ZFYVE28: variants seen among roughly 807,000 people sequenced by gnomAD.
The protein encoded by ZFYVE28 is lateral signaling target protein 2 homolog.
A neutral mutation model predicts 82.1 loss-of-function variants in ZFYVE28; 40 were observed. The ratio of observed to expected loss-of-function variants is 0.49; its 90% CI spans 0.38 to 0.63. ZFYVE28 has a LOEUF of 0.63. Ranked by LOEUF, ZFYVE28 falls within the 30% of genes least tolerant of loss-of-function variation. ZFYVE28 has a pLI of 0.00. For missense variants in ZFYVE28, 1,321 were observed against 1,242.1 expected, an observed-to-expected ratio of 1.06 and a Z score of -0.96; for synonymous variants, 612 against 546.1, an observed-to-expected ratio of 1.12 and a Z score of -1.68.
intron 1 of ZFYVE28, among the ~76,000 whole-genome samples, chr4:2,377,011 G>C (rs1441950411): frequency 6.6e-6 from 1 of 151,878 alleles, no homozygotes; most frequent in Non-Finnish European, 1.5e-5. Flanking sequence ...GACAGCACTG[G>C]TCTAAGACTT....
chr4:2,392,638 C>G (rs1362916868), intron 1 of ZFYVE28, among the ~76,000 whole-genome samples: 1 of 152,170 alleles, frequency 6.6e-6, no homozygotes, highest in African/African-American at 2.4e-5. Flanking sequence ...ACTCTTAAAT[C>G]ATATTAAATT....
Position 2,364,926 on chromosome 4 carries a change from CG to C in ZFYVE28, c.40-10854del, listed in dbSNP as rs1206313011. Reference sequence around the variant, plus strand: ...CGCGGAGGGACAGTGGAGGCGGGGGCGGGGCCCAGCAGGGGCGGCGCAGCCT... The same window carrying C: ...CGCGGAGGGACAGTGGAGGCGGGGGCGGGCCCAGCAGGGGCGGCGCAGCCT... On this transcript the variant is annotated intron_variant, in intron 1 of 12. Transcript: ENST00000290974. The C allele has an allele frequency of 5.1e-6, 5 of 984,490 alleles. No individual in the cohort carries two copies. In the East Asian group the frequency reaches 4.6e-4, roughly 90 times the overall value. The allele number at this position is 984,490 out of a possible 1,614,324, so 61.0% of individuals were successfully genotyped here.
intron 11 of ZFYVE28, 98 bp from the exon 12 acceptor site, chr4:2,271,512 A>C: frequency 6.8e-7 from 1 of 1,463,978 alleles, no homozygotes; most frequent in Non-Finnish European, 9.5e-7. Flanking sequence ...CCAGACTGCC[A>C]AGCCGCCTGG....
chr4:2,333,532 C>A (rs77477303), intron 6 of ZFYVE28, among the ~76,000 whole-genome samples: 2 of 152,012 alleles, frequency 1.3e-5, no homozygotes, highest in African/African-American at 4.8e-5. Flanking sequence ...GCCTGGGGTG[C>A]GGCCTGCGGG....
chr4:2,336,798 ATGAGGAGG>A (rs1721807818), intron 5 of ZFYVE28, among the ~76,000 whole-genome samples: 1 of 99,250 alleles, frequency 1.0e-5, no homozygotes, highest in African/African-American at 4.3e-5. Flanking sequence ...GAGTGAGGAG[ATGAGGAGG>A]TGAGGAGGTG....
At chr4:2,275,853 G>GGAGGC (rs1173549699) in intron 8 of ZFYVE28, among the ~76,000 whole-genome samples, 18 of 152,240 alleles carry the variant, frequency 1.2e-4, no homozygotes, top group Non-Finnish European at 1.5e-5. Context: ...CTTAGACGCG[G>GGAGGC]TGCTGGGGAT....
Position 2,339,355 on chromosome 4 carries a change from G to A in ZFYVE28, c.521+98C>T, listed in dbSNP as rs997431000. 10 of 1,398,820 alleles carry A rather than the reference G, an allele frequency of 7.1e-6. No homozygotes were observed. The Admixed American group carries it at 8.6e-5, about 12-fold the overall frequency. 86.7% of individuals were successfully genotyped at this position (1,398,820 alleles called of 1,614,324 possible). A position where few individuals can be genotyped will look rare whatever the true frequency, so the allele number is the denominator to read the frequency against. On this transcript the variant is annotated intron_variant, in intron 4 of 12. Transcript: ENST00000290974. This position sits in a 1 kb window ranked among gnomAD's most constrained non-coding sequence, Gnocchi z 5.0. ...GAACCTGCCTGGCTCCTCCCTCTGTGGAATTTTCCAGCTTGAAGTATCAGG... is the reference window on the plus strand; with the variant it reads ...GAACCTGCCTGGCTCCTCCCTCTGTAGAATTTTCCAGCTTGAAGTATCAGG...
chr4:2,371,689 T>C (rs111502635), intron 1 of ZFYVE28, among the ~76,000 whole-genome samples: 1 of 151,300 alleles, frequency 6.6e-6, no homozygotes, highest in Non-Finnish European at 1.5e-5. Context: ...AACAAAAGAG[T>C]ACAAAGACTC....
At chr4:2,375,156 G>A (rs1037677071) in intron 1 of ZFYVE28, among the ~76,000 whole-genome samples, 4 of 152,230 alleles carry the variant, frequency 2.6e-5, no homozygotes, top group Non-Finnish European at 5.9e-5. Context: ...CCCTGCTGCT[G>A]TGGCAAAATG....
intron 1 of ZFYVE28, among the ~76,000 whole-genome samples, chr4:2,355,731 C>G (rs943132813): frequency 3.3e-5 from 5 of 152,156 alleles, no homozygotes; most frequent in African/African-American, 4.8e-5. Context: ...GCACACATCA[C>G]TATATTCAGC....
Position 2,302,789 on chromosome 4 carries a change from C to T in ZFYVE28, c.2051+1500G>A, listed in dbSNP as rs541070372. On this transcript the variant is annotated intron_variant, in intron 8 of 12. Coordinates refer to ENST00000290974, the MANE Select transcript of ZFYVE28 (RefSeq NM_020972.3). ...AGCGTGATTCAGTCATAAAAAGGAACGGCGTGTTGCCGTGTGCCTCTACAT... is the reference window on the plus strand; with the variant it reads ...AGCGTGATTCAGTCATAAAAAGGAATGGCGTGTTGCCGTGTGCCTCTACAT... Among the ~76,000 whole-genome samples, 77 of 152,348 alleles carry T rather than the reference C, an allele frequency of 5.1e-4. 1 individual carries two copies. In the South Asian group the frequency reaches 5.8e-3, roughly 11 times the overall value.
chr4:2,278,743 A>G (rs975746073), intron 8 of ZFYVE28, among the ~76,000 whole-genome samples: 5 of 143,158 alleles, frequency 3.5e-5, no homozygotes, highest in African/African-American at 1.5e-4. Flanking sequence ...CAATCCAACA[A>G]CAAAAAGACC....
At chr4:2,352,334 G>A (rs1249292811) in intron 2 of ZFYVE28, among the ~76,000 whole-genome samples, 1 of 152,042 alleles carries the variant, frequency 6.6e-6, no homozygotes, top group Non-Finnish European at 1.5e-5. Context: ...ATGTCGGGGG[G>A]TGGACAGGAA....
At position 2,332,226 on chromosome 4, in the gene ZFYVE28, T is replaced by TG. The variant is rs553523633; in HGVS notation, c.701+3478dup. Among the ~76,000 whole-genome samples, 10 of 152,210 alleles carry TG rather than the reference T, an allele frequency of 6.6e-5. No individual in the cohort carries two copies. Among genetic ancestry groups the TG allele is most frequent in the African/African-American group, 2.4e-4 (10 of 41,536 alleles). On this transcript the variant is annotated intron_variant, in intron 6 of 12. Coordinates refer to ENST00000290974, the MANE Select transcript of ZFYVE28 (RefSeq NM_020972.3). This position sits in a 1 kb window ranked among gnomAD's most constrained non-coding sequence, Gnocchi z 4.7. ...CTCTCAGTGTTCCCTGGGGGTCACC[T>TG]GGGGGGTCCCAGGATGCCCACTTCA... is the stretch of plus-strand genomic sequence containing the variant.
chr4:2,337,464 G>C lies in ZFYVE28; in HGVS notation c.554C>G (p.Pro185Arg), dbSNP rs1271512633. Residue 185 changes from proline (P) to arginine (R), a missense_variant, in exon 5 of 13, where the codon CCC becomes CGC. Pro to Arg is a moderately radical substitution (Grantham distance 103). Coordinates refer to ENST00000290974, the MANE Select transcript of ZFYVE28 (RefSeq NM_020972.3). ...YVSAMVPVKSPREYYVQQEVI... is the reference protein window; with the variant it reads ...YVSAMVPVKSRREYYVQQEVI... ...CTCCTGCTGCACGTAGTACTCCCTG[G>C]GGGACTTCACAGGCACCATGGCCGA... The C allele has an allele frequency of 6.2e-7, 1 of 1,610,152 alleles. No individual in the cohort carries two copies. Among genetic ancestry groups the C allele is most frequent in the Non-Finnish European group, 8.5e-7 (1 of 1,178,056 alleles).
At position 2,300,715 on chromosome 4, in the gene ZFYVE28, T is replaced by C. The variant is rs1232671214; in HGVS notation, c.2051+3574A>G. On this transcript the variant is annotated intron_variant, in intron 8 of 12. Coordinates refer to ENST00000290974, the MANE Select transcript of ZFYVE28 (RefSeq NM_020972.3). This position sits in a 1 kb window ranked among gnomAD's most constrained non-coding sequence, Gnocchi z 4.6. ...GGGGTCTCGGGGGAATCTCACAGGC[T>C]GGTCGGCCGCAGCTCCACACATTTC... Among the ~76,000 whole-genome samples the C allele has an allele frequency of 6.6e-6, 1 of 152,028 alleles. No individual in the cohort carries two copies. The highest frequency in any genetic ancestry group is 1.5e-5 in the Non-Finnish European group (1 of 68,006).
chr4:2,374,841 C>G (rs1302931721), intron 1 of ZFYVE28, among the ~76,000 whole-genome samples: 1 of 152,160 alleles, frequency 6.6e-6, no homozygotes, highest in Non-Finnish European at 1.5e-5. Context: ...GTTCTTAGGA[C>G]ATATCTTTGT....
At chr4:2,333,893 C>G (rs563300092) in intron 6 of ZFYVE28, among the ~76,000 whole-genome samples, 1 of 152,202 alleles carries the variant, frequency 6.6e-6, no homozygotes, top group South Asian at 2.1e-4. Context: ...CAGAGAGACA[C>G]TTGTCTAGAA....
chr4:2,325,509 C>A (rs1347264030), intron 6 of ZFYVE28, among the ~76,000 whole-genome samples: 1 of 151,956 alleles, frequency 6.6e-6, no homozygotes, highest in Non-Finnish European at 1.5e-5. Context: ...AAAATACATT[C>A]ATGGCTTCAA....
Sources: allele counts gnomAD v4.1 joint callset (sites outside exome capture counted in the v4.1 genomes callset), GRCh38; gene constraint gnomAD v4.1.1; non-coding constraint Gnocchi (gnomAD v3.1); transcripts MANE v1.5; gene names NCBI Gene and HGNC (gene_info 2026-07-23, HGNC 2026-07-21).